Variants in JAM3 observed in about 807,000 individuals in gnomAD.
JAM3 encodes the protein junctional adhesion molecule 3.
Under a neutral mutation model 39.4 loss-of-function variants are expected in JAM3, and 31 were observed. The ratio of observed to expected loss-of-function variants is 0.79; its 90% CI spans 0.59 to 1.06. JAM3 has a LOEUF of 1.06. JAM3 is among the 50% of genes least tolerant of loss of function. The probability of loss-of-function intolerance (pLI) is 0.00; values close to 1 mark genes in which losing one functional copy is unlikely to be tolerated. For missense variants in JAM3, 455 were observed against 391.4 expected, an observed-to-expected ratio of 1.16 and a Z score of -1.37; for synonymous variants, 182 against 148.7, an observed-to-expected ratio of 1.22 and a Z score of -1.63.
intron 1 of JAM3, among the ~76,000 whole-genome samples, chr11:134,128,653 C>T (rs540351529): frequency 2.0e-5 from 3 of 151,380 alleles, no homozygotes; most frequent in South Asian, 4.2e-4. Context: ...CTCTGTCTCT[C>T]TCCTCCTTTC....
intron 6 of JAM3, among the ~76,000 whole-genome samples, chr11:134,146,584 ACAC>A (rs1943076313): frequency 1.3e-5 from 2 of 151,902 alleles, no homozygotes; most frequent in African/African-American, 4.8e-5. Flanking sequence ...AAAACAAAAA[ACAC>A]CACAGGGTCT....
intron 1 of JAM3, among the ~76,000 whole-genome samples, chr11:134,107,715 G>A (rs559046458): frequency 7.2e-4 from 110 of 151,944 alleles, no homozygotes; most frequent in African/African-American, 2.6e-3. Context: ...ATTTAAAAAT[G>A]AGCCAGGCAT....
At chr11:134,116,491 T>C (rs1942436416) in intron 1 of JAM3, among the ~76,000 whole-genome samples, 1 of 152,228 alleles carries the variant, frequency 6.6e-6, no homozygotes, top group Non-Finnish European at 1.5e-5. Context: ...TAATTTTTTT[T>C]CTTAAAATCT....
At chr11:134,083,496 A>G (rs996146075) in intron 1 of JAM3, among the ~76,000 whole-genome samples, 1 of 152,174 alleles carries the variant, frequency 6.6e-6, no homozygotes, top group Admixed American at 6.5e-5. Context: ...GAGTCAGGTA[A>G]CTTTTTGAGG....
intron 1 of JAM3, among the ~76,000 whole-genome samples, chr11:134,122,048 G>A (rs565606871): frequency 6.6e-6 from 1 of 152,278 alleles, no homozygotes; most frequent in South Asian, 2.1e-4. Context: ...TTACTTTTAA[G>A]TCCCAGAAAC....
At chr11:134,127,561 G>A (rs781518411) in intron 1 of JAM3, among the ~76,000 whole-genome samples, 74 of 152,282 alleles carry the variant, frequency 4.9e-4, no homozygotes, top group Non-Finnish European at 8.4e-4. Context: ...TTAGCCGGAC[G>A]TGGTGGCACA....
intron 1 of JAM3, among the ~76,000 whole-genome samples, chr11:134,080,860 A>T (rs2120592534): frequency 6.6e-6 from 1 of 152,330 alleles, no homozygotes; most frequent in East Asian, 1.9e-4. Flanking sequence ...AATGTGGGAA[A>T]GTTTGGAACT....
chr11:134,137,983 A>G (rs1368573779), intron 1 of JAM3, among the ~76,000 whole-genome samples: 3 of 87,130 alleles, frequency 3.4e-5, no homozygotes, highest in African/African-American at 4.9e-5. Context: ...GCTCATACTG[A>G]GAGAAATGTT....
At chr11:134,138,393 TCTCGTCG>T (rs1942911148) in intron 1 of JAM3, among the ~76,000 whole-genome samples, 10 of 114,046 alleles carry the variant, frequency 8.8e-5, no homozygotes, top group South Asian at 2.6e-4. Context: ...AGTGGTGGTG[TCTCGTCG>T]AAGTCGTGGT....
At position 134,146,007 on chromosome 11, in the gene JAM3, C is replaced by A. The variant is rs749178421; in HGVS notation, c.674C>A (p.Ala225Glu). 6.8e-6 allele frequency: 11 copies of A among 1,613,988 alleles called. No homozygotes were observed. The highest frequency in any genetic ancestry group is 8.5e-7 in the Non-Finnish European group (1 of 1,179,958). ...GQYYCIASND[A>E]GSARCEEQEM... ...TACTACTGCATTGCTTCCAATGACG[C>A]AGGCTCAGCCAGGTGTGAGGAGCAG... Residue 225 changes from alanine to glutamate, a missense_variant, in exon 6 of 9, where the codon GCA becomes GAA. Physicochemically the swap from Ala to Glu is moderately radical, Grantham distance 107 (BLOSUM62 -1). Coordinates refer to ENST00000299106, the MANE Select transcript of JAM3 (RefSeq NM_032801.5).
At chr11:134,109,487 G>C (rs976772969) in intron 1 of JAM3, among the ~76,000 whole-genome samples, 16 of 152,114 alleles carry the variant, frequency 1.1e-4, no homozygotes, top group Non-Finnish European at 2.4e-4. Flanking sequence ...AATTTTATTG[G>C]AACACAGCCA....
intron 1 of JAM3, among the ~76,000 whole-genome samples, chr11:134,107,388 G>C (rs1040279671): frequency 6.6e-6 from 1 of 152,096 alleles, no homozygotes; most frequent in Admixed American, 6.6e-5. Flanking sequence ...TGTAAATGAC[G>C]AGTTAATGGG....
At chr11:134,137,155 T>C (rs184474942) in intron 1 of JAM3, among the ~76,000 whole-genome samples, 16 of 152,296 alleles carry the variant, frequency 1.1e-4, no homozygotes, top group African/African-American at 3.9e-4. Flanking sequence ...CATTCATTTC[T>C]TTGCCATAAT....
chr11:134,117,213 A>G (rs1942452165), intron 1 of JAM3, among the ~76,000 whole-genome samples: 2 of 151,588 alleles, frequency 1.3e-5, no homozygotes, highest in African/African-American at 4.9e-5. Flanking sequence ...AGTACAAAAA[A>G]TAAAATAAAA....
chr11:134,148,573 G>T lies in JAM3; in HGVS notation c.739G>T (p.Gly247Trp), dbSNP rs1474109358. The change falls in exon 7 of 9, where the codon GGG becomes TGG. Residue 247 changes from glycine (G) to tryptophan (W), a missense_variant. Physicochemically the swap from Gly to Trp is radical, Grantham distance 184. Coordinates refer to ENST00000299106, the MANE Select transcript of JAM3 (RefSeq NM_032801.5). The part of the protein sequence containing the change: ...VYDLNIGGII[G>W]GVLVVLAVLA... ...TGACCTGAACATTGGCGGAATTATTGGGGGGGTTCTGGTTGTCCTTGCTGT... is the reference window on the plus strand; with the variant it reads ...TGACCTGAACATTGGCGGAATTATTTGGGGGGTTCTGGTTGTCCTTGCTGT... 6.2e-7 allele frequency: 1 copy of T among 1,613,992 alleles called. No individual in the cohort carries two copies.
At chr11:134,123,325 G>A (rs1268290751) in intron 1 of JAM3, among the ~76,000 whole-genome samples, 1 of 151,938 alleles carries the variant, frequency 6.6e-6, no homozygotes, top group African/African-American at 2.4e-5. Flanking sequence ...TTGCATCAGG[G>A]GAAAAAGGGA....
chr11:134,147,459 C>CAAAAAAAAAAAAA (rs557379286), intron 6 of JAM3, among the ~76,000 whole-genome samples: 28 of 70,884 alleles, frequency 4.0e-4, no homozygotes, highest in African/African-American at 1.3e-3. Flanking sequence ...GACTCTGTCT[C>CAAAAAAAAAAAAA]AAAAAAAAAA....
intron 1 of JAM3, among the ~76,000 whole-genome samples, chr11:134,135,415 A>G (rs1409900813): frequency 2.0e-5 from 3 of 152,050 alleles, no homozygotes; most frequent in African/African-American, 7.2e-5. Context: ...CACTGTTTTG[A>G]TCATCTAGCT....
rs779426462 is a variant in JAM3 at position 134,149,295 on chromosome 11, A to C, written c.*114A>C. On this transcript the variant is annotated 3_prime_UTR_variant, in exon 9 of 9. Coordinates refer to ENST00000299106, the MANE Select transcript of JAM3 (RefSeq NM_032801.5). ...CGGACAGAGCTAGACACTCATTCAG[A>C]AGCTTTTCGTTTTGGCCAAAGTTGA... is the stretch of plus-strand genomic sequence containing the variant. 4.1e-4 allele frequency: 548 copies of C among 1,330,258 alleles called. 1 individual carries two copies. Among genetic ancestry groups the C allele is most frequent in the Non-Finnish European group, 5.5e-4 (521 of 942,022 alleles). 82.4% of individuals were successfully genotyped at this position (1,330,258 alleles called of 1,614,324 possible).
Sources: allele counts gnomAD v4.1 joint callset (sites outside exome capture counted in the v4.1 genomes callset), GRCh38; gene constraint gnomAD v4.1.1; transcripts MANE v1.5; gene names NCBI Gene and HGNC (gene_info 2026-07-23, HGNC 2026-07-21).